GLYCTK: variants seen among roughly 807,000 people sequenced by gnomAD.
GLYCTK encodes the protein HBeAg binding protein 4.
GLYCTK carries 22 observed loss-of-function variants against 24.8 expected under a neutral mutation model. The ratio of observed to expected loss-of-function variants is 0.89; its 90% CI spans 0.63 to 1.27. The LOEUF (loss-of-function observed/expected upper bound fraction) is 1.27. GLYCTK is among the 50% of genes most tolerant of loss of function. GLYCTK has a pLI of 0.00. For missense variants in GLYCTK, 684 were observed against 686.7 expected (o/e 1.00, Z 0.04); for synonymous variants, 320 against 297.2 (o/e 1.08, Z -0.79).
At position 52,292,728 on chromosome 3, in the gene GLYCTK, C is replaced by G. The variant is rs1700521734; in HGVS notation, c.1174C>G (p.Leu392Val). 1.2e-6 allele frequency: 2 copies of G among 1,609,072 alleles called. No individual in the cohort carries two copies. The highest frequency in any genetic ancestry group is 8.5e-7 in the Non-Finnish European group (1 of 1,177,220). The change falls in exon 5 of 5, where the codon CTG becomes GTG. Residue 392 changes from leucine to valine, a missense_variant. By Grantham distance (32) the Leu-to-Val change is conservative (BLOSUM62 1). Coordinates refer to ENST00000436784, the MANE Select transcript of GLYCTK (RefSeq NM_145262.4). ...QIPDLQLEEALETMAWGRGPV... is the reference protein window; with the variant it reads ...QIPDLQLEEAVETMAWGRGPV... ...CCCAGACCTGCAGCTGGAGGAGGCT[C>G]TGGAGACCATGGCATGGGGAAGGGG...
In GLYCTK at chr3:52,294,723, C is replaced by A. The variant is rs1423736730; in HGVS notation, c.*1597C>A. 2.2e-6 allele frequency: 1 copy of A among 444,804 alleles called. No homozygotes were observed. The highest frequency in any genetic ancestry group is 4.5e-6 in the Non-Finnish European group (1 of 220,388). The allele number at this position is 444,804 out of a possible 1,614,324, so 27.6% of individuals were successfully genotyped here. A position where few individuals can be genotyped will look rare whatever the true frequency, so the allele number is the denominator to read the frequency against. On this transcript the variant is annotated 3_prime_UTR_variant, in exon 5 of 5. Coordinates refer to ENST00000436784, the MANE Select transcript of GLYCTK (RefSeq NM_145262.4). ...GCGTCTACATGTAGCCTGTTCCTGC[C>A]TCAGTCCTTGCTCTTGGGAGCATGA...
chr3:52,290,500 C>T lies in GLYCTK; in HGVS notation c.158C>T (p.Pro53Leu). 1 of 1,613,432 alleles carries T rather than the reference C, an allele frequency of 6.2e-7. No individual in the cohort carries two copies. The highest frequency in any genetic ancestry group is 8.5e-7 in the Non-Finnish European group (1 of 1,180,022). The change falls in exon 2 of 5, where the codon CCC becomes CTC. Residue 53 changes from proline (P) to leucine (L), a missense_variant. Pro to Leu is a moderately conservative substitution (Grantham distance 98, BLOSUM62 -3). Coordinates refer to ENST00000436784, the MANE Select transcript of GLYCTK (RefSeq NM_145262.4). ...ESAVGAVLPGPMLHRALSLDP... is the reference protein window; with the variant it reads ...ESAVGAVLPGLMLHRALSLDP... ...GCTGTAGGTGCAGTGCTGCCGGGCC[C>T]CATGCTGCACCGGGCACTATCCTTG...
In GLYCTK at chr3:52,293,225, C is replaced by T. The variant is rs1250701710; in HGVS notation, c.*99C>T. The T allele has an allele frequency of 8.2e-7, 1 of 1,220,890 alleles. No individual in the cohort carries two copies. Among genetic ancestry groups the T allele is most frequent in the Non-Finnish European group, 1.2e-6 (1 of 845,034 alleles). 75.6% of individuals were successfully genotyped at this position (1,220,890 alleles called of 1,614,324 possible). A position where few individuals can be genotyped will look rare whatever the true frequency, so the allele number is the denominator to read the frequency against. Reference sequence around the variant, plus strand: ...CTCAGGGCCTCTCTAAGCCTTAGGGCCCCTCCTCTCCTTGGCCTTGGCTGT... The same window carrying T: ...CTCAGGGCCTCTCTAAGCCTTAGGGTCCCTCCTCTCCTTGGCCTTGGCTGT... On this transcript the variant is annotated 3_prime_UTR_variant, in exon 5 of 5. Coordinates refer to ENST00000436784, the MANE Select transcript of GLYCTK (RefSeq NM_145262.4).
intron 1 of GLYCTK, 94 bp from the exon 2 acceptor site, chr3:52,290,210 G>A: frequency 1.0e-6 from 1 of 977,192 alleles, no homozygotes; most frequent in Non-Finnish European, 1.5e-6. Context: ...CAGCAGCTGT[G>A]GGGTCCACTG....
At position 52,294,667 on chromosome 3, in the gene GLYCTK, C is replaced by A. The variant is rs1400469018; in HGVS notation, c.*1541C>A. 6 of 445,498 alleles carry A rather than the reference C, an allele frequency of 1.3e-5. No homozygotes were observed. Among genetic ancestry groups the A allele is most frequent in the African/African-American group, 1.2e-4 (6 of 49,828 alleles). The allele number at this position is 445,498 out of a possible 1,614,324, so 27.6% of individuals were successfully genotyped here. On this transcript the variant is annotated 3_prime_UTR_variant, in exon 5 of 5. Transcript: ENST00000436784. ...GTCTCTGGGGTTATGGTGATCCTCG[C>A]ATGATCCTGTGCCGTGGTGCTCCTC...
At chr3:52,290,118 C>T in intron 1 of GLYCTK, 186 bp from the exon 2 acceptor site, 1 of 588,076 alleles carries the variant, frequency 1.7e-6, no homozygotes, top group South Asian at 2.2e-5. Flanking sequence ...GGTGGCAGGG[C>T]TGGTCTCCAA....
In GLYCTK at chr3:52,292,991, C is replaced by T; in HGVS notation, c.1437C>T (p.Asp479=). The part of the protein sequence containing the change: ...LASQAAAEGL[D]IATFLAHNDS... ...GCCAGGCTGCAGCTGAGGGCCTGGACATAGCCACCTTCCTAGCCCACAATG... is the reference window on the plus strand; with the variant it reads ...GCCAGGCTGCAGCTGAGGGCCTGGATATAGCCACCTTCCTAGCCCACAATG... Residue 479 remains aspartate (D), a synonymous_variant, in exon 5 of 5, where the codon GAC becomes GAT. Transcript: ENST00000436784. The T allele has an allele frequency of 3.7e-6, 6 of 1,614,194 alleles. No homozygotes were observed. Among genetic ancestry groups the T allele is most frequent in the Non-Finnish European group, 5.1e-6 (6 of 1,180,024 alleles).
intron 1 of GLYCTK, among the ~76,000 whole-genome samples, chr3:52,289,435 G>A (rs1700391302): frequency 6.6e-6 from 1 of 152,214 alleles, no homozygotes; most frequent in African/African-American, 2.4e-5. Flanking sequence ...TCTCACCACT[G>A]TGGGTGGTGT....
At chr3:52,289,922 A>G (rs892910923) in intron 1 of GLYCTK, among the ~76,000 whole-genome samples, 1 of 152,238 alleles carries the variant, frequency 6.6e-6, no homozygotes, top group African/African-American at 2.4e-5. Flanking sequence ...GTAACAGCGC[A>G]GAAGTGCAGG....
At chr3:52,289,992 T>C in intron 1 of GLYCTK, 1 of 353,418 alleles carries the variant, frequency 2.8e-6, no homozygotes, top group South Asian at 4.6e-5. Flanking sequence ...TGTCAATGAT[T>C]AACTCCCAGC....
At chr3:52,288,659 T>C (rs770275842) in intron 1 of GLYCTK, 2 of 152,228 alleles carry the variant, frequency 1.3e-5, no homozygotes, top group Non-Finnish European at 2.9e-5. Flanking sequence ...GCCTTAGCAT[T>C]GAGCGTCCCC....
rs2153221164 is a variant in GLYCTK, at chr3:52,292,737, A to G, written c.1183A>G (p.Met395Val). The G allele has an allele frequency of 3.1e-6, 5 of 1,608,824 alleles. No homozygotes were observed. The highest frequency in any genetic ancestry group is 4.2e-6 in the Non-Finnish European group (5 of 1,177,182). The stretch of plus-strand genomic sequence containing the variant: ...GCAGCTGGAGGAGGCTCTGGAGACC[A>G]TGGCATGGGGAAGGGGCCCAGTCTG... ...DLQLEEALET[M>V]AWGRGPVCLL... Residue 395 changes from methionine (M) to valine (V), a missense_variant, in exon 5 of 5, where the codon ATG (methionine) becomes GTG (valine). Transcript: ENST00000436784.
intron 1 of GLYCTK, 152 bp from the exon 2 acceptor site, chr3:52,290,152 C>T (rs1293707870): frequency 6.3e-6 from 4 of 637,938 alleles, no homozygotes; most frequent in African/African-American, 3.7e-5. Context: ...CCTGCAGCTG[C>T]AGGCTTCAGG....
chr3:52,291,396 T>C (rs113726727), intron 3 of GLYCTK: 12 of 584,524 alleles, frequency 2.1e-5, no homozygotes, highest in Middle Eastern at 4.6e-4. Context: ...CCTTGGAAAA[T>C]GTCACTGCTA....
At position 52,290,717 on chromosome 3, in the gene GLYCTK, G is replaced by A. The variant is rs1481680575; in HGVS notation, c.375G>A (p.Lys125=). The stretch of plus-strand genomic sequence containing the variant: ...GTGCTGCCATGGAGCGTGCCGGCAA[G>A]CAGTAAGGAGCCATGGGGGCCTGCC... ...GIRAAMERAG[K]QEMLLKPHSR... Residue 125 remains lysine (K), a splice_region_variant and synonymous_variant, in exon 2 of 5, where the codon AAG becomes AAA. Transcript: ENST00000436784. The A allele has an allele frequency of 6.2e-7, 1 of 1,609,992 alleles. No homozygotes were observed. Among genetic ancestry groups the A allele is most frequent in the Non-Finnish European group, 8.5e-7 (1 of 1,177,322 alleles).
rs1013086924 is a variant in GLYCTK at position 52,293,299 on chromosome 3, C to T, written c.*173C>T. 9.4e-6 allele frequency: 7 copies of T among 745,406 alleles called. No homozygotes were observed. Among genetic ancestry groups the T allele is most frequent in the Admixed American group, 4.0e-5 (2 of 50,014 alleles). The allele number at this position is 745,406 out of a possible 1,614,324, so 46.2% of individuals were successfully genotyped here. A position where few individuals can be genotyped will look rare whatever the true frequency, so the allele number is the denominator to read the frequency against. On this transcript the variant is annotated 3_prime_UTR_variant, in exon 5 of 5. Transcript: ENST00000436784. Reference sequence around the variant, plus strand: ...CAGGGCCTCTGCTCTATATCTATTCCCTTCCAGCCAGACTGGCAGATGGGG... The same window carrying T: ...CAGGGCCTCTGCTCTATATCTATTCTCTTCCAGCCAGACTGGCAGATGGGG...
At position 52,293,286 on chromosome 3, in the gene GLYCTK, T is replaced by C. The variant is rs1700545541; in HGVS notation, c.*160T>C. 2.6e-6 allele frequency: 2 copies of C among 760,446 alleles called. No individual in the cohort carries two copies. Among genetic ancestry groups the C allele is most frequent in the Non-Finnish European group, 4.6e-6 (2 of 438,692 alleles). 47.1% of individuals were successfully genotyped at this position (760,446 alleles called of 1,614,324 possible). On this transcript the variant is annotated 3_prime_UTR_variant, in exon 5 of 5. Transcript: ENST00000436784. ...GTCACCTTCCACTCAGGGCCTCTGC[T>C]CTATATCTATTCCCTTCCAGCCAGA...
chr3:52,292,877 G>C lies in GLYCTK; in HGVS notation c.1323G>C (p.Pro441=). 1 of 1,614,078 alleles carries C rather than the reference G, an allele frequency of 6.2e-7. No homozygotes were observed. The highest frequency in any genetic ancestry group is 8.5e-7 in the Non-Finnish European group (1 of 1,180,014). The change falls in exon 5 of 5, where the codon CCG becomes CCC. Residue 441 remains proline, a synonymous_variant. Transcript: ENST00000436784. Reference sequence around the variant, plus strand: ...AGTTGAGAAGGTGGCCGCTGGGGCCGATAGATGTGCTGTTTTTGAGCGGTG... The same window carrying C: ...AGTTGAGAAGGTGGCCGCTGGGGCCCATAGATGTGCTGTTTTTGAGCGGTG... ...GAELRRWPLG[P]IDVLFLSGGT...
chr3:52,294,734 C>T lies in GLYCTK; in HGVS notation c.*1608C>T. The T allele has an allele frequency of 2.2e-6, 1 of 447,206 alleles. No individual in the cohort carries two copies. Among genetic ancestry groups the T allele is most frequent in the South Asian group, 1.6e-5 (1 of 63,844 alleles). 27.7% of individuals were successfully genotyped at this position (447,206 alleles called of 1,614,324 possible). ...TAGCCTGTTCCTGCCTCAGTCCTTG[C>T]TCTTGGGAGCATGAGTATTGGCACT... On this transcript the variant is annotated 3_prime_UTR_variant, in exon 5 of 5. Transcript: ENST00000436784.
Sources: gnomAD v4.1 joint callset for allele counts (sites outside exome capture counted in the v4.1 genomes callset) on GRCh38, gnomAD v4.1.1 for gene constraint, MANE v1.5 for transcripts, NCBI Gene and HGNC (gene_info 2026-07-23, HGNC 2026-07-21) for gene names.